The following SLCO1B3 variants were observed in gnomAD, a reference collection of about 807,000 sequenced individuals.
The protein encoded by SLCO1B3 is liver-specific organic anion transporter 2.
Under a neutral mutation model 71.8 loss-of-function variants are expected in SLCO1B3, and 72 were observed. That is an observed-to-expected ratio of 1.00 (90% CI 0.83 to 1.22). The LOEUF is 1.22. Among genes scored for constraint, SLCO1B3 ranks in the 50% most tolerant of loss-of-function variants. The pLI is 0.00. For missense variants in SLCO1B3, 911 were observed against 819.7 expected (o/e 1.11, Z -1.36); for synonymous variants, 298 against 278.4 (o/e 1.07, Z -0.70).
At position 20,904,377 on chromosome 12, in the gene SLCO1B3, T is replaced by C. The variant is rs369341298; in HGVS notation, c.1865+2910T>C. Among the ~76,000 whole-genome samples, 122 of 152,140 alleles carry C rather than the reference T, an allele frequency of 8.0e-4. 2 individuals carry two copies. In the South Asian group the frequency reaches 0.025, roughly 31 times the overall value. ...GCAAGTTCAGAACCCAACAGGGCAG[T>C]CATTAAATCTTAAAGCTCCAAAATG... On this transcript the variant is annotated intron_variant, in intron 15 of 15. Coordinates refer to ENST00000381545, the MANE Select transcript of SLCO1B3 (RefSeq NM_019844.4).
At chr12:20,909,030 C>T (rs1357958689) in intron 15 of SLCO1B3, among the ~76,000 whole-genome samples, 1 of 152,210 alleles carries the variant, frequency 6.6e-6, no homozygotes, top group East Asian at 1.9e-4. Flanking sequence ...TCTATTGCTC[C>T]ACTTCCTTAT....
chr12:20,872,187 T>A (rs1865487695), intron 8 of SLCO1B3, among the ~76,000 whole-genome samples: 1 of 151,968 alleles, frequency 6.6e-6, no homozygotes, highest in Non-Finnish European at 1.5e-5. Context: ...CCAAGGAAGA[T>A]TCTGCCAGGC....
chr12:20,840,615 A>G (rs1864777792), intron 3 of SLCO1B3, among the ~76,000 whole-genome samples: 1 of 151,112 alleles, frequency 6.6e-6, no homozygotes, highest in African/African-American at 2.4e-5. Flanking sequence ...CTGGTCTTGA[A>G]CTCCTGACCT....
chr12:20,871,857 C>T (rs1324443738), intron 8 of SLCO1B3, among the ~76,000 whole-genome samples: 2 of 152,012 alleles, frequency 1.3e-5, no homozygotes, highest in Non-Finnish European at 2.9e-5. Flanking sequence ...GGGTCTTGCC[C>T]AAGGCCCTCT....
intron 3 of SLCO1B3, among the ~76,000 whole-genome samples, chr12:20,852,850 A>G (rs1865052386): frequency 6.6e-6 from 1 of 152,120 alleles, no homozygotes. Flanking sequence ...TACATATAAG[A>G]TGATGTCATC....
At chr12:20,863,355 A>G (rs1865309084) in intron 8 of SLCO1B3, among the ~76,000 whole-genome samples, 1 of 152,154 alleles carries the variant, frequency 6.6e-6, no homozygotes, top group African/African-American at 2.4e-5. Flanking sequence ...ATGAGTGCTT[A>G]TAGAACAAAT....
chr12:20,879,341 A>T, intron 10 of SLCO1B3, 95 bp from the exon 11 acceptor site: 1 of 861,362 alleles, frequency 1.2e-6, no homozygotes. Flanking sequence ...AGAATGGGTG[A>T]ATTTGGTTGA....
intron 15 of SLCO1B3, among the ~76,000 whole-genome samples, chr12:20,912,710 G>C (rs542195277): frequency 1.3e-5 from 2 of 151,630 alleles, no homozygotes; most frequent in South Asian, 2.1e-4. Flanking sequence ...TTTTAGTAGA[G>C]ATGGGGTTTC....
At chr12:20,887,858 G>T (rs2121328659) in intron 13 of SLCO1B3, among the ~76,000 whole-genome samples, 1 of 151,880 alleles carries the variant, frequency 6.6e-6, no homozygotes, top group South Asian at 2.1e-4. Flanking sequence ...ATAGTTTCAG[G>T]CCTTACAATT....
intron 3 of SLCO1B3, among the ~76,000 whole-genome samples, chr12:20,842,011 T>A (rs1174501466): frequency 1.3e-5 from 2 of 151,888 alleles, no homozygotes; most frequent in African/African-American, 4.8e-5. Context: ...TTTTCCTGCC[T>A]CAGCCTCCTG....
At position 20,879,566 on chromosome 12, in the gene SLCO1B3, A is replaced by T. The variant is rs754110095; in HGVS notation, c.1266A>T (p.Gln422His). The T allele has an allele frequency of 2.5e-6, 4 of 1,613,066 alleles. No homozygotes were observed. The highest frequency in any genetic ancestry group is 3.4e-6 in the Non-Finnish European group (4 of 1,179,500). ...FLTSMISFLF[Q>H]LLYFPLICES... ...CTTCGATGATATCCTTCTTGTTTCA[A>T]CTTCTATATTTCCCTCTAATCTGCG... Residue 422 changes from glutamine to histidine, a missense_variant, in exon 11 of 16, where the codon CAA becomes CAT. Physicochemically the swap from Gln to His is conservative, Grantham distance 24. Coordinates refer to ENST00000381545, the MANE Select transcript of SLCO1B3 (RefSeq NM_019844.4).
At chr12:20,855,202 C>T (rs1865108971) in intron 4 of SLCO1B3, 33 bp downstream of exon 4, 2 of 1,562,726 alleles carry the variant, frequency 1.3e-6, no homozygotes, top group African/African-American at 1.4e-5. Flanking sequence ...GATAACCATA[C>T]TTGCATAAGT....
At chr12:20,844,644 TA>T (rs1305692525) in intron 3 of SLCO1B3, among the ~76,000 whole-genome samples, 3 of 152,180 alleles carry the variant, frequency 2.0e-5, no homozygotes, top group African/African-American at 7.2e-5. Flanking sequence ...ATTTTCCATG[TA>T]TTTGTGTAGT....
intron 8 of SLCO1B3, among the ~76,000 whole-genome samples, chr12:20,873,596 AT>A (rs1565597375): frequency 6.6e-6 from 1 of 152,162 alleles, no homozygotes; most frequent in African/African-American, 2.4e-5. Context: ...AGCTGGGAGC[AT>A]TTTTTAAAAA....
intron 13 of SLCO1B3, 72 bp downstream of exon 13, chr12:20,883,674 T>C: frequency 9.9e-7 from 1 of 1,006,520 alleles, no homozygotes; most frequent in Middle Eastern, 2.6e-4. Flanking sequence ...CATATTTTTC[T>C]GTATTTTGAG....
At chr12:20,821,884 C>G (rs187427284) in intron 3 of SLCO1B3, among the ~76,000 whole-genome samples, 26 of 151,980 alleles carry the variant, frequency 1.7e-4, no homozygotes, top group African/African-American at 5.8e-4. Flanking sequence ...TTTGGGTCCA[C>G]GGATAAAACA....
chr12:20,901,154 C>T (rs1047828364), intron 14 of SLCO1B3, among the ~76,000 whole-genome samples, 196 bp from the exon 15 acceptor site: 8 of 152,144 alleles, frequency 5.3e-5, no homozygotes, highest in Non-Finnish European at 1.0e-4. Flanking sequence ...TCAAATACAT[C>T]TGTGACATTA....
intron 15 of SLCO1B3, among the ~76,000 whole-genome samples, chr12:20,904,865 C>G (rs1358450754): frequency 7.2e-6 from 1 of 138,430 alleles, no homozygotes; most frequent in Non-Finnish European, 1.5e-5. Context: ...CCACCGCCTC[C>G]TGGGTTCAAT....
At chr12:20,893,490 C>T (rs1243497412) in intron 13 of SLCO1B3, among the ~76,000 whole-genome samples, 2 of 152,032 alleles carry the variant, frequency 1.3e-5, no homozygotes, top group Admixed American at 1.3e-4. Context: ...AAGAAAGACT[C>T]AGATCTGGAA....
Sources: gnomAD v4.1 joint callset for allele counts (sites outside exome capture counted in the v4.1 genomes callset) on GRCh38, gnomAD v4.1.1 for gene constraint, MANE v1.5 for transcripts, NCBI Gene and HGNC (gene_info 2026-07-23, HGNC 2026-07-21) for gene names.